The following MS4A2 variants were observed in gnomAD, a reference collection of about 807,000 sequenced individuals.
MS4A2 encodes high affinity immunoglobulin epsilon receptor subunit beta.
MS4A2 carries 26 observed loss-of-function variants against 27.9 expected under a neutral mutation model. The ratio of observed to expected loss-of-function variants is 0.93; its 90% CI spans 0.68 to 1.29. The LOEUF is 1.29. Among genes scored for constraint, MS4A2 ranks in the 50% most tolerant of loss-of-function variants. The probability of loss-of-function intolerance (pLI) is 0.00; values close to 1 mark genes in which losing one functional copy is unlikely to be tolerated. For missense variants in MS4A2, 284 were observed against 284.6 expected, an observed-to-expected ratio of 1.00 and a Z score of 0.01; for synonymous variants, 110 against 98.8, an observed-to-expected ratio of 1.11 and a Z score of -0.67.
intron 3 of MS4A2, 70 bp downstream of exon 3, chr11:60,090,540 C>G (rs1056551821): frequency 1.4e-6 from 2 of 1,445,396 alleles, no homozygotes; most frequent in African/African-American, 1.4e-5. Context: ...CAGATCTAAC[C>G]AGTTGTTTAT....
rs191203299 is a variant in MS4A2, at chr11:60,095,496, G to A, written c.637-62G>A. 61 of 1,033,068 alleles carry A rather than the reference G, an allele frequency of 5.9e-5. No individual in the cohort carries two copies. In the Admixed American group the frequency reaches 7.5e-4, roughly 13 times the overall value. 64.0% of individuals were successfully genotyped at this position (1,033,068 alleles called of 1,614,324 possible). A position where few individuals can be genotyped will look rare whatever the true frequency, so the allele number is the denominator to read the frequency against. ...AAAGTAGATGAGGTAAGTCTCTTGA[G>A]CGAGACTTCTAGGGATGGGAAATTT... is the stretch of plus-strand genomic sequence containing the variant. On this transcript the variant is annotated intron_variant, in intron 6 of 6. Coordinates refer to ENST00000278888, the MANE Select transcript of MS4A2 (RefSeq NM_000139.5).
chr11:60,088,868 A>C (rs1179261654), intron 1 of MS4A2, 47 bp downstream of exon 1: 2 of 1,565,370 alleles, frequency 1.3e-6, no homozygotes, highest in Non-Finnish European at 1.7e-6. Flanking sequence ...ACTTAGTGGC[A>C]GGGGAAGTCA....
chr11:60,097,745 T>A lies in MS4A2; in HGVS notation c.*2089T>A, dbSNP rs1343927346. The A allele has an allele frequency of 6.6e-6, 1 of 152,244 alleles. No individual in the cohort carries two copies. Among genetic ancestry groups the A allele is most frequent in the African/African-American group, 2.4e-5 (1 of 41,470 alleles). The allele number at this position is 152,244 out of a possible 1,614,324, so 9.4% of individuals were successfully genotyped here. ...AAAAGGTGACAGGTAGATGTTAATT[T>A]CCCTAGATTGTGAAAGTGATCACGA... On this transcript the variant is annotated 3_prime_UTR_variant, in exon 7 of 7. Transcript: ENST00000278888.
chr11:60,093,949 G>C lies in MS4A2; in HGVS notation c.538-15G>C. On this transcript the variant is annotated splice_polypyrimidine_tract_variant and intron_variant, in intron 5 of 6. Transcript: ENST00000278888. ...ATGTGACTCTTTTTGTTTGTCATTT[G>C]TTGCTGTTCAATAGGAAATTGTAGT... is the stretch of plus-strand genomic sequence containing the variant. The C allele has an allele frequency of 6.3e-7, 1 of 1,594,972 alleles. No homozygotes were observed. Among genetic ancestry groups the C allele is most frequent in the Non-Finnish European group, 8.6e-7 (1 of 1,162,682 alleles).
Position 60,093,528 on chromosome 11 carries a change from G to T in MS4A2, c.507G>T (p.Glu169Asp). The change falls in exon 5 of 7, where the codon GAG (glutamate) becomes GAT (aspartate). Residue 169 changes from glutamate to aspartate, a missense_variant. Glu to Asp is a conservative substitution (Grantham distance 45). Coordinates refer to ENST00000278888, the MANE Select transcript of MS4A2 (RefSeq NM_000139.5). ...IHIHSCQKFF[E>D]TKCFMASFST... ...TCCACAGTTGCCAGAAATTTTTTGAGACCAAGTGCTTTATGGCTTCCTTTT... is the reference window on the plus strand; with the variant it reads ...TCCACAGTTGCCAGAAATTTTTTGATACCAAGTGCTTTATGGCTTCCTTTT... 6.2e-7 allele frequency: 1 copy of T among 1,614,176 alleles called. No homozygotes were observed. Among genetic ancestry groups the T allele is most frequent in the Non-Finnish European group, 8.5e-7 (1 of 1,180,032 alleles).
Position 60,088,744 on chromosome 11 carries a change from G to A in MS4A2, c.-22G>A, listed in dbSNP as rs756548473. On this transcript the variant is annotated 5_prime_UTR_variant, in exon 1 of 7. Coordinates refer to ENST00000278888, the MANE Select transcript of MS4A2 (RefSeq NM_000139.5). ...CAATATAATAATATTCTTTATTCCT[G>A]GACAGCTCGGTTAATGAAAAAATGG... 6.2e-7 allele frequency: 1 copy of A among 1,606,866 alleles called. No individual in the cohort carries two copies. The highest frequency in any genetic ancestry group is 8.5e-7 in the Non-Finnish European group (1 of 1,175,546).
In MS4A2 at chr11:60,098,281, C is replaced by T. The variant is rs1855902983; in HGVS notation, c.*2625C>T. 6.6e-6 allele frequency: 1 copy of T among 152,182 alleles called. No homozygotes were observed. The highest frequency in any genetic ancestry group is 6.5e-5 in the Admixed American group (1 of 15,276). 9.4% of individuals were successfully genotyped at this position (152,182 alleles called of 1,614,324 possible). A position where few individuals can be genotyped will look rare whatever the true frequency, so the allele number is the denominator to read the frequency against. On this transcript the variant is annotated 3_prime_UTR_variant, in exon 7 of 7. Coordinates refer to ENST00000278888, the MANE Select transcript of MS4A2 (RefSeq NM_000139.5). ...CCCAAATTGTCTTTCTAAATTTCAACTTCAATGTCATCTTCTCCATGAAGA... is the reference window on the plus strand; with the variant it reads ...CCCAAATTGTCTTTCTAAATTTCAATTTCAATGTCATCTTCTCCATGAAGA...
chr11:60,089,610 A>T, intron 1 of MS4A2, 82 bp from the exon 2 acceptor site: 1 of 1,580,798 alleles, frequency 6.3e-7, no homozygotes, highest in Non-Finnish European at 8.7e-7. Flanking sequence ...AAATAAACAA[A>T]ACTCCCCTTT....
In MS4A2 at chr11:60,096,231, A is replaced by T. The variant is rs1855866978; in HGVS notation, c.*575A>T. ...GATCTGTATAATTGCCTGAATCACC[A>T]GCACATTCACTGACATGATATTATT... On this transcript the variant is annotated 3_prime_UTR_variant, in exon 7 of 7. Coordinates refer to ENST00000278888, the MANE Select transcript of MS4A2 (RefSeq NM_000139.5). The T allele has an allele frequency of 6.5e-6, 1 of 153,166 alleles. No individual in the cohort carries two copies. 9.5% of individuals were successfully genotyped at this position (153,166 alleles called of 1,614,324 possible).
At chr11:60,090,503 A>G (rs758106314) in intron 3 of MS4A2, 33 bp downstream of exon 3, 2 of 1,603,584 alleles carry the variant, frequency 1.2e-6, no homozygotes, top group Non-Finnish European at 1.7e-6. Flanking sequence ...TTCTGAAATA[A>G]CACTGAACAT....
At chr11:60,094,084 A>G in intron 6 of MS4A2, 22 bp downstream of exon 6, 1 of 1,515,462 alleles carries the variant, frequency 6.6e-7, no homozygotes, top group African/African-American at 1.4e-5. Flanking sequence ...CCCGATATAA[A>G]ATCTTGAATG....
chr11:60,091,386 T>C (rs1385896370), intron 3 of MS4A2, among the ~76,000 whole-genome samples: 1 of 152,208 alleles, frequency 6.6e-6, no homozygotes, highest in Non-Finnish European at 1.5e-5. Flanking sequence ...TGACATATAA[T>C]AAATTGCAAG....
In MS4A2 at chr11:60,088,805, C is replaced by T; in HGVS notation, c.40C>T (p.Pro14Ser). 3 of 1,611,568 alleles carry T rather than the reference C, an allele frequency of 1.9e-6. No individual in the cohort carries two copies. The highest frequency in any genetic ancestry group is 2.5e-6 in the Non-Finnish European group (3 of 1,178,566). Residue 14 changes from proline to serine, a missense_variant, in exon 1 of 7, where the codon CCA becomes TCA. Pro to Ser is a moderately conservative substitution (Grantham distance 74). Transcript: ENST00000278888. ...ESNRRANLAL[P>S]QEPSSVPAFE... ...TAATAGGAGAGCAAATCTTGCTCTC[C>T]CACAGGAGCCTTCCAGGTAGGTACA...
At chr11:60,091,614 T>G (rs115222600) in intron 3 of MS4A2, among the ~76,000 whole-genome samples, 1,690 of 152,348 alleles carry the variant, frequency 0.011, 28 homozygotes, top group African/African-American at 0.039. Context: ...GAGCTTTATA[T>G]AAGTATGTTC....
At chr11:60,092,581 C>T (rs1855784579) in intron 3 of MS4A2, among the ~76,000 whole-genome samples, 1 of 152,152 alleles carries the variant, frequency 6.6e-6, no homozygotes, top group African/African-American at 2.4e-5. Flanking sequence ...CAGACATGAG[C>T]CACCACACCC....
At chr11:60,089,165 A>G (rs1855711107) in intron 1 of MS4A2, among the ~76,000 whole-genome samples, 1 of 152,108 alleles carries the variant, frequency 6.6e-6, no homozygotes, top group Non-Finnish European at 1.5e-5. Flanking sequence ...GCTTTTATAA[A>G]TACTTGATAA....
At chr11:60,090,075 T>G (rs7127480) in intron 2 of MS4A2, among the ~76,000 whole-genome samples, 131 of 152,284 alleles carry the variant, frequency 8.6e-4, no homozygotes, top group African/African-American at 2.9e-3. Flanking sequence ...TACTTAGATG[T>G]AAAGAACAAT....
intron 5 of MS4A2, 53 bp from the exon 6 acceptor site, chr11:60,093,911 T>C (rs1855818627): frequency 7.1e-7 from 1 of 1,413,228 alleles, no homozygotes; most frequent in Non-Finnish European, 1.0e-6. Context: ...AATAAACTTT[T>C]GGGGCGAATA....
chr11:60,095,246 T>C (rs572084), intron 6 of MS4A2, among the ~76,000 whole-genome samples: 11,104 of 152,048 alleles, frequency 0.073, 831 homozygotes, highest in African/African-American at 0.18. Context: ...CTGGGTGACA[T>C]AGTGAGATTC....
Sources: gnomAD v4.1 joint callset for allele counts (sites outside exome capture counted in the v4.1 genomes callset) on GRCh38, gnomAD v4.1.1 for gene constraint, MANE v1.5 for transcripts, NCBI Gene and HGNC (gene_info 2026-07-23, HGNC 2026-07-21) for gene names.